Variants in GGA3 observed in about 807,000 individuals in gnomAD.
The protein encoded by GGA3 is ADP-ribosylation factor-binding protein GGA3.
GGA3 carries 57 observed loss-of-function variants against 77.5 expected under a neutral mutation model. That is an observed-to-expected ratio of 0.74 (90% CI 0.59 to 0.92). The LOEUF is 0.92. Ranked by LOEUF, GGA3 falls within the 40% of genes least tolerant of loss-of-function variation. The pLI is 0.00. For missense variants in GGA3, 970 were observed against 914.9 expected (o/e 1.06, Z -0.78); for synonymous variants, 416 against 383.7 (o/e 1.08, Z -0.98).
intron 3 of GGA3, 138 bp downstream of exon 3, chr17:75,246,371 T>C (rs2076757031): frequency 6.3e-6 from 4 of 638,134 alleles, no homozygotes; most frequent in South Asian, 1.8e-5. Flanking sequence ...GCTGAACAGA[T>C]TCGAGATCTA....
Position 75,243,507 on chromosome 17 carries a change from T to A in GGA3, c.364A>T (p.Thr122Ser). Reference protein sequence around the residue: ...TKVIELLYSWTMALPEEAKIK... With the variant: ...TKVIELLYSWSMALPEEAKIK... Reference sequence around the variant, plus strand: ...TTTGCTTCTTCTGGCAGGGCCATGGTCCAGCTGTACAGCAGCTCAATAACC... The same window carrying A: ...TTTGCTTCTTCTGGCAGGGCCATGGACCAGCTGTACAGCAGCTCAATAACC... Residue 122 changes from threonine to serine, a missense_variant, in exon 5 of 17, where the codon ACC becomes TCC. Thr to Ser is a moderately conservative substitution (Grantham distance 58). Coordinates refer to ENST00000537686, the MANE Select transcript of GGA3 (RefSeq NM_138619.4). 6.2e-7 allele frequency: 1 copy of A among 1,614,158 alleles called. No individual in the cohort carries two copies. The highest frequency in any genetic ancestry group is 8.5e-7 in the Non-Finnish European group (1 of 1,179,984).
At position 75,243,061 on chromosome 17, in the gene GGA3, A is replaced by G; in HGVS notation, c.528+2T>C. On this transcript the variant is annotated splice_donor_variant, in intron 6 of 16. Coordinates refer to ENST00000537686, the MANE Select transcript of GGA3 (RefSeq NM_138619.4). LOFTEE classifies it high-confidence loss of function. The stretch of plus-strand genomic sequence containing the variant: ...AAATCCCAGGCCCAGGGTGTCCTTT[A>G]CCTTGGACTTCTCCTCATCATCAAA... 6.2e-7 allele frequency: 1 copy of G among 1,606,264 alleles called. No individual in the cohort carries two copies. Among genetic ancestry groups the G allele is most frequent in the South Asian group, 1.1e-5 (1 of 90,852 alleles).
chr17:75,237,846 G>T lies in GGA3; in HGVS notation c.*433C>A. 7.1e-7 allele frequency: 1 copy of T among 1,416,456 alleles called. No individual in the cohort carries two copies. Among genetic ancestry groups the T allele is most frequent in the South Asian group, 1.6e-5 (1 of 63,224 alleles). 87.7% of individuals were successfully genotyped at this position (1,416,456 alleles called of 1,614,324 possible). ...TTGCAACAGGGCTGCAGCCCCTTGG[G>T]CCGTGCATCTGTCAGGTGTGAGGAT... On this transcript the variant is annotated 3_prime_UTR_variant, in exon 17 of 17. Coordinates refer to ENST00000537686, the MANE Select transcript of GGA3 (RefSeq NM_138619.4).
rs751312773 is a variant in GGA3, at chr17:75,244,708, C to T, written c.211G>A (p.Ala71Thr). Residue 71 changes from alanine to threonine, a missense_variant, in exon 4 of 17, where the codon GCA becomes ACA. Ala to Thr is a moderately conservative substitution (Grantham distance 58). Coordinates refer to ENST00000537686, the MANE Select transcript of GGA3 (RefSeq NM_138619.4). Reference sequence around the variant, plus strand: ...CTCCTCCCACAGTTCTTCATGCATGCCTCCAGCACCTGTAGCCGCACAGAG... The same window carrying T: ...CTCCTCCCACAGTTCTTCATGCATGTCTCCAGCACCTGTAGCCGCACAGAG... The part of the protein sequence containing the change: ...EALQALTVLE[A>T]CMKNCGRRFH... 6.2e-6 allele frequency: 10 copies of T among 1,612,640 alleles called. No homozygotes were observed. Among genetic ancestry groups the T allele is most frequent in the Non-Finnish European group, 7.6e-6 (9 of 1,178,608 alleles).
intron 3 of GGA3, among the ~76,000 whole-genome samples, chr17:75,245,555 C>T (rs531848052): frequency 2.6e-5 from 4 of 152,122 alleles, no homozygotes; most frequent in East Asian, 1.9e-4. Flanking sequence ...CACAGAATCT[C>T]GCTATGTTGG....
In GGA3 at chr17:75,240,409, A is replaced by G. The variant is rs1451225265; in HGVS notation, c.1196T>C (p.Leu399Pro). ...WLDEELLCLG[L>P]ADPAPNVPPK... ...AGGAACATTAGGGGCTGGGTCGGCG[A>G]GGCCTGACAATAGAGAAGAAAACAG... The change falls in exon 12 of 17, where the codon CTC (leucine) becomes CCC (proline). Residue 399 changes from leucine to proline, a missense_variant. By Grantham distance (98) the Leu-to-Pro change is moderately conservative (BLOSUM62 -3). Transcript: ENST00000537686. 1.6e-5 allele frequency: 25 copies of G among 1,590,952 alleles called. No homozygotes were observed. The highest frequency in any genetic ancestry group is 2.1e-5 in the Non-Finnish European group (25 of 1,167,916).
In GGA3 at chr17:75,240,069, C is replaced by T. The variant is rs2076484271; in HGVS notation, c.1303G>A (p.Gly435Arg). The T allele has an allele frequency of 1.3e-6, 2 of 1,551,346 alleles. No homozygotes were observed. Among genetic ancestry groups the T allele is most frequent in the Admixed American group, 2.0e-5 (1 of 51,234 alleles). The change falls in exon 13 of 17, where the codon GGG becomes AGG. Residue 435 changes from glycine to arginine, a missense_variant. Physicochemically the swap from Gly to Arg is moderately radical, Grantham distance 125 (BLOSUM62 -2). Transcript: ENST00000537686. ...SDLDFFSPRPGTAACGASDAP... is the reference protein window; with the variant it reads ...SDLDFFSPRPRTAACGASDAP... The stretch of plus-strand genomic sequence containing the variant: ...TCGGAGGCGCCACAGGCAGCGGTCC[C>T]CGGCCTGGGGCTGAAGAAGTCCAGG...
intron 1 of GGA3, among the ~76,000 whole-genome samples, chr17:75,261,188 G>GT (rs2077356730): frequency 1.3e-5 from 2 of 152,232 alleles, no homozygotes; most frequent in Admixed American, 6.5e-5. Flanking sequence ...GGGGCGCTGG[G>GT]TTCCTGGTGT....
intron 5 of GGA3, 100 bp from the exon 6 acceptor site, chr17:75,243,266 G>A (rs768225658): frequency 8.8e-7 from 1 of 1,133,036 alleles, no homozygotes; most frequent in East Asian, 2.3e-5. Flanking sequence ...GACCTGCAAA[G>A]GGTAGCAGGG....
chr17:75,253,069 C>A (rs1222758797), intron 1 of GGA3, among the ~76,000 whole-genome samples: 1 of 152,198 alleles, frequency 6.6e-6, no homozygotes. Flanking sequence ...TGCCATGACT[C>A]GGATCGCGGG....
Position 75,236,725 on chromosome 17 carries a change from G to A in GGA3, c.*1554C>T, listed in dbSNP as rs916651362. On this transcript the variant is annotated 3_prime_UTR_variant, in exon 17 of 17. Transcript: ENST00000537686. ...CGAGTAACACTCAAATAACTGTAAT[G>A]TCTAGAGCATAACACAAAGTTCCAT... 1.3e-5 allele frequency: 2 copies of A among 153,464 alleles called. No individual in the cohort carries two copies. Among genetic ancestry groups the A allele is most frequent in the Non-Finnish European group, 2.9e-5 (2 of 68,638 alleles). 9.5% of individuals were successfully genotyped at this position (153,464 alleles called of 1,614,324 possible).
At chr17:75,259,663 G>A (rs1362831626) in intron 1 of GGA3, among the ~76,000 whole-genome samples, 1 of 152,172 alleles carries the variant, frequency 6.6e-6, no homozygotes, top group Non-Finnish European at 1.5e-5. Context: ...CTGGGTCTCT[G>A]GGCCAAGCAG....
upstream of GGA3, chr17:75,261,641 G>T: frequency 6.8e-7 from 1 of 1,471,782 alleles, no homozygotes; most frequent in Non-Finnish European, 9.1e-7. Flanking sequence ...TGCACGAGCT[G>T]AGACGGGGCG....
chr17:75,260,132 G>C (rs940878736), intron 1 of GGA3, among the ~76,000 whole-genome samples: 2 of 152,174 alleles, frequency 1.3e-5, no homozygotes, highest in Non-Finnish European at 2.9e-5. Context: ...CTAGACAACA[G>C]CGCGCGAGAC....
At chr17:75,244,341 C>T (rs2076680431) in intron 4 of GGA3, 1 of 336,764 alleles carries the variant, frequency 3.0e-6, no homozygotes. Flanking sequence ...TGCCAGGTGC[C>T]TAGAGTCCCA....
chr17:75,237,845 G>C lies in GGA3; in HGVS notation c.*434C>G, dbSNP rs748250253. The C allele has an allele frequency of 9.9e-6, 14 of 1,417,426 alleles. No individual in the cohort carries two copies. The highest frequency in any genetic ancestry group is 1.3e-5 in the Non-Finnish European group (14 of 1,091,268). 87.8% of individuals were successfully genotyped at this position (1,417,426 alleles called of 1,614,324 possible). On this transcript the variant is annotated 3_prime_UTR_variant, in exon 17 of 17. Transcript: ENST00000537686. ...ATTGCAACAGGGCTGCAGCCCCTTGGGCCGTGCATCTGTCAGGTGTGAGGA... is the reference window on the plus strand; with the variant it reads ...ATTGCAACAGGGCTGCAGCCCCTTGCGCCGTGCATCTGTCAGGTGTGAGGA...
upstream of GGA3, chr17:75,261,910 C>A (rs773321093): frequency 2.5e-6 from 4 of 1,608,864 alleles, no homozygotes; most frequent in Admixed American, 1.7e-5. Flanking sequence ...GATGGCTGCC[C>A]CCGCAGTGAA....
At position 75,246,775 on chromosome 17, in the gene GGA3, T is replaced by C. The variant is rs375738345; in HGVS notation, c.62A>G (p.Asn21Ser). 86 of 1,612,746 alleles carry C rather than the reference T, an allele frequency of 5.3e-5. No individual in the cohort carries two copies. The highest frequency in any genetic ancestry group is 7.0e-5 in the Non-Finnish European group (82 of 1,179,818). The change falls in exon 2 of 17, where the codon AAC (asparagine) becomes AGC (serine). Residue 21 changes from asparagine to serine, a missense_variant. Coordinates refer to ENST00000537686, the MANE Select transcript of GGA3 (RefSeq NM_138619.4). ...SWLNKATNPS[N>S]RQEDWEYIIG... is the part of the protein sequence containing the mutation. ...TATGTATTCCCAGTCCTCCTGGCGG[T>C]TGGAAGGATTGGTGGCTTTATCTTG...
At position 75,242,489 on chromosome 17, in the gene GGA3, A is replaced by C; in HGVS notation, c.610-16T>G. 6.2e-7 allele frequency: 1 copy of C among 1,614,150 alleles called. No homozygotes were observed. The highest frequency in any genetic ancestry group is 8.5e-7 in the Non-Finnish European group (1 of 1,179,974). On this transcript the variant is annotated splice_polypyrimidine_tract_variant and intron_variant, in intron 7 of 16. Coordinates refer to ENST00000537686, the MANE Select transcript of GGA3 (RefSeq NM_138619.4). ...GTGCCTCGTCCTGCCCCAGTGAAGA[A>C]GTTCAAGAGAAAGAGAGCGTCACTT... is the stretch of plus-strand genomic sequence containing the variant.
Sources: allele counts gnomAD v4.1 joint callset (sites outside exome capture counted in the v4.1 genomes callset), GRCh38; gene constraint gnomAD v4.1.1; transcripts MANE v1.5; gene names NCBI Gene and HGNC (gene_info 2026-07-23, HGNC 2026-07-21).